Variants in RYR1 observed in about 807,000 individuals in gnomAD.
RYR1 encodes central core disease of muscle.
A neutral mutation model predicts 583.5 loss-of-function variants in RYR1; 342 were observed. The ratio of observed to expected loss-of-function variants is 0.59; its 90% CI spans 0.54 to 0.64. RYR1 has a LOEUF of 0.64. Among genes scored for constraint, RYR1 ranks in the 30% least tolerant of loss-of-function variants. The pLI, the probability that RYR1 is intolerant of heterozygous loss-of-function variation, is 0.00. For missense variants in RYR1, 6,032 were observed against 6,917.2 expected (o/e 0.87, Z 4.54); for synonymous variants, 2,791 against 2,822.5 (o/e 0.99, Z 0.35).
chr19:38,510,910 G>T, intron 60 of RYR1, 129 bp downstream of exon 60: 1 of 1,371,852 alleles, frequency 7.3e-7, no homozygotes, highest in Non-Finnish European at 1.0e-6. Flanking sequence ...ATTGAAGGGT[G>T]ACCAGCCATC....
At chr19:38,555,179 G>A (rs931427396) in intron 89 of RYR1, among the ~76,000 whole-genome samples, 2 of 151,982 alleles carry the variant, frequency 1.3e-5, no homozygotes, top group African/African-American at 2.4e-5. Context: ...GGCCAGACAC[G>A]GTGGGTCACG....
intron 1 of RYR1, among the ~76,000 whole-genome samples, chr19:38,434,150 G>A (rs903872580): frequency 6.6e-6 from 1 of 152,140 alleles, no homozygotes; most frequent in African/African-American, 2.4e-5. Flanking sequence ...AAGGACCCCC[G>A]AGGGAGCACA....
intron 19 of RYR1, among the ~76,000 whole-genome samples, chr19:38,460,140 C>T (rs1967646904): frequency 6.6e-6 from 1 of 152,220 alleles, no homozygotes; most frequent in African/African-American, 2.4e-5. Context: ...TCTAGATTAA[C>T]CAGAGACCCT....
chr19:38,508,916 G>A (rs1364263733), intron 58 of RYR1, among the ~76,000 whole-genome samples: 3 of 152,236 alleles, frequency 2.0e-5, no homozygotes, highest in East Asian at 1.9e-4. Context: ...GACAGGAGCC[G>A]AAAAGGGTGA....
In RYR1 at chr19:38,572,282, G is replaced by C; in HGVS notation, c.13998+12G>C. 6.5e-7 allele frequency: 1 copy of C among 1,529,640 alleles called. No homozygotes were observed. The highest frequency in any genetic ancestry group is 8.9e-7 in the Non-Finnish European group (1 of 1,129,114). 94.8% of individuals were successfully genotyped at this position (1,529,640 alleles called of 1,614,324 possible). A position where few individuals can be genotyped will look rare whatever the true frequency, so the allele number is the denominator to read the frequency against. On this transcript the variant is annotated intron_variant, in intron 95 of 105. Transcript: ENST00000359596. ...ATAATTGTCTCAAGGTGGGCCCATG[G>C]CCATGGTTCTGGGGCAAGGGCTTAT...
chr19:38,524,503 T>C (rs1301475300), intron 70 of RYR1, among the ~76,000 whole-genome samples: 3 of 152,188 alleles, frequency 2.0e-5, no homozygotes, highest in Admixed American at 2.0e-4. Flanking sequence ...CAGCAGTGCC[T>C]GGCACAGGGG....
chr19:38,466,033 G>T (rs938546900), intron 23 of RYR1, 58 bp from the exon 24 acceptor site: 42 of 1,516,428 alleles, frequency 2.8e-5, no homozygotes, highest in Non-Finnish European at 3.8e-5. Flanking sequence ...CCCATATAGT[G>T]CAGAGCCCGG....
rs1184708233 is a variant in RYR1 at position 38,536,005 on chromosome 19, A to T, written c.11525A>T (p.Asp3842Val). The change falls in exon 82 of 106, where the codon GAT becomes GTT. Residue 3842 changes from aspartate (D) to valine (V), a missense_variant. Physicochemically the swap from Asp to Val is radical, Grantham distance 152. Around this residue, in one of 11 missense-constraint regions of RYR1, gnomAD observed 1,493 missense variants for 1,715.5 expected, o/e 0.87. Transcript: ENST00000359596. ...QALMQTCSVLDLNAFERQNKA... is the reference protein window; with the variant it reads ...QALMQTCSVLVLNAFERQNKA... ...TCCTTTCTTTTCCTCAGCGTCCTGG[A>T]TCTCAATGCCTTTGAGAGACAGAAC... 1.2e-6 allele frequency: 2 copies of T among 1,613,790 alleles called. No individual in the cohort carries two copies. Among genetic ancestry groups the T allele is most frequent in the Admixed American group, 3.3e-5 (2 of 59,974 alleles).
chr19:38,577,998 C>T lies in RYR1; in HGVS notation c.14253C>T (p.Ile4751=), dbSNP rs747086072. ...GCATGGACCTGGCCACACTAGAGAT[C>T]ACAGCCCACAATGAGCGCAAGCCCA... ...LLGMDLATLE[I]TAHNERKPNP... The change falls in exon 98 of 106, where the codon ATC becomes ATT. Residue 4751 remains isoleucine (I), a synonymous_variant. Coordinates refer to ENST00000359596, the MANE Select transcript of RYR1 (RefSeq NM_000540.3). The T allele has an allele frequency of 6.2e-7, 1 of 1,614,078 alleles. No individual in the cohort carries two copies. Among genetic ancestry groups the T allele is most frequent in the South Asian group, 1.1e-5 (1 of 91,078 alleles).
intron 80 of RYR1, 29 bp from the exon 81 acceptor site, chr19:38,535,287 T>C: frequency 6.2e-7 from 1 of 1,613,632 alleles, no homozygotes; most frequent in South Asian, 1.1e-5. Context: ...TGACTCCCAG[T>C]TTCTCCTCCC....
At chr19:38,503,508 C>T (rs974539520) in intron 49 of RYR1, among the ~76,000 whole-genome samples, 1 of 152,198 alleles carries the variant, frequency 6.6e-6, no homozygotes, top group Non-Finnish European at 1.5e-5. Context: ...CGCGGTGGCT[C>T]ACGCCTGTAA....
rs557169387 is a variant in RYR1, at chr19:38,505,285, A to C, written c.8311-24A>C. ...TGTCCCCAACTGCTGCCTCCCCCTC[A>C]CCCTGCCTCCCCTCCATCTCTAGAT... On this transcript the variant is annotated intron_variant, in intron 52 of 105. Transcript: ENST00000359596. The C allele has an allele frequency of 2.0e-5, 31 of 1,546,898 alleles. 1 individual carries two copies. The African/African-American group carries it at 4.2e-4, about 21-fold the overall frequency.
Position 38,463,734 on chromosome 19 carries a change from G to A in RYR1, c.2683-13G>A. The A allele has an allele frequency of 6.2e-7, 1 of 1,612,700 alleles. No individual in the cohort carries two copies. The highest frequency in any genetic ancestry group is 8.5e-7 in the Non-Finnish European group (1 of 1,178,728). Reference sequence around the variant, plus strand: ...AAGGGGAGCACATGGAGTTGACCCTGGGTTTTCTCCAGGTTCGGGATGACA... The same window carrying A: ...AAGGGGAGCACATGGAGTTGACCCTAGGTTTTCTCCAGGTTCGGGATGACA... On this transcript the variant is annotated splice_polypyrimidine_tract_variant and intron_variant, in intron 21 of 105. Coordinates refer to ENST00000359596, the MANE Select transcript of RYR1 (RefSeq NM_000540.3).
At chr19:38,491,726 G>C (rs114838815) in intron 37 of RYR1, among the ~76,000 whole-genome samples, 2,719 of 152,170 alleles carry the variant, frequency 0.018, 88 homozygotes, top group African/African-American at 0.062. Flanking sequence ...ACTGCACCTG[G>C]CCCATTTTTC....
At chr19:38,515,210 A>C (rs1447349343) in intron 64 of RYR1, 103 bp downstream of exon 64, 14 of 928,700 alleles carry the variant, frequency 1.5e-5, no homozygotes, top group Middle Eastern at 2.8e-4. Flanking sequence ...AGATGTTAAG[A>C]ATTTTCCCGC....
intron 88 of RYR1, 112 bp from the exon 89 acceptor site, chr19:38,548,121 G>A: frequency 2.5e-6 from 3 of 1,180,520 alleles, no homozygotes; most frequent in Non-Finnish European, 3.7e-6. Context: ...GGCTGTGGCT[G>A]GCCAGGGACA....
Position 38,459,116 on chromosome 19 carries a change from C to T in RYR1, c.2168-30C>T, listed in dbSNP as rs73930586. ...ATCATTGGTTCTGTGGGACCTGTGACGTCTGACCCATCTCTGGTGACTGAT... is the reference window on the plus strand; with the variant it reads ...ATCATTGGTTCTGTGGGACCTGTGATGTCTGACCCATCTCTGGTGACTGAT... On this transcript the variant is annotated intron_variant, in intron 18 of 105. Coordinates refer to ENST00000359596, the MANE Select transcript of RYR1 (RefSeq NM_000540.3). 2,009 of 1,594,090 alleles carry T rather than the reference C, an allele frequency of 1.3e-3. 15 individuals carry two copies. In the African/African-American group the frequency reaches 0.023, roughly 18 times the overall value.
chr19:38,569,675 G>A lies in RYR1; in HGVS notation c.13660-932G>A, dbSNP rs1973624604. Among the ~76,000 whole-genome samples the A allele has an allele frequency of 2.6e-5, 4 of 152,108 alleles. No homozygotes were observed. In the South Asian group the frequency reaches 6.2e-4, roughly 24 times the overall value. On this transcript the variant is annotated intron_variant, in intron 93 of 105. Coordinates refer to ENST00000359596, the MANE Select transcript of RYR1 (RefSeq NM_000540.3). ...CTTGGACTCTGGAGGCTGACTGCCC[G>A]GGTTCAAATCCCATCTCTGCCACTC...
At position 38,477,719 on chromosome 19, in the gene RYR1, T is replaced by C; in HGVS notation, c.4303T>C (p.Ser1435Pro). 1 of 1,614,126 alleles carries C rather than the reference T, an allele frequency of 6.2e-7. No individual in the cohort carries two copies. Among genetic ancestry groups the C allele is most frequent in the Non-Finnish European group, 8.5e-7 (1 of 1,180,028 alleles). The change falls in exon 30 of 106, where the codon TCC becomes CCC. Residue 1435 changes from serine to proline, a missense_variant. Transcript: ENST00000359596. ...CTCCTTGTGTCACCAGTACTATTAC[T>C]CCGTGAGGGTCTTTGCTGGACAGGA... ...IILNTTTYYY[S>P]VRVFAGQEPS...
Sources: gnomAD v4.1 joint callset for allele counts (sites outside exome capture counted in the v4.1 genomes callset) on GRCh38, gnomAD v4.1.1 for gene constraint, gnomAD v4.1.1 regional missense constraint, MANE v1.5 for transcripts, NCBI Gene and HGNC (gene_info 2026-07-23, HGNC 2026-07-21) for gene names.